RYR2: variants seen among roughly 807,000 people sequenced by gnomAD.
RYR2 encodes the protein ryanodine receptor 2.
A neutral mutation model predicts 601.1 loss-of-function variants in RYR2; 227 were observed. The observed-to-expected ratio is 0.38, with a 90% CI of 0.34 to 0.42. The LOEUF (loss-of-function observed/expected upper bound fraction) is 0.42, where lower values mean the gene tolerates loss of function less well. RYR2 is among the 10% of genes least tolerant of loss of function. The probability of loss-of-function intolerance (pLI) is 1.00; values close to 1 mark genes in which losing one functional copy is unlikely to be tolerated. For synonymous variants in RYR2, 2,223 were observed against 2,175.1 expected, an observed-to-expected ratio of 1.02 and a Z score of -0.61; for missense variants, 4,646 against 6,156.5, an observed-to-expected ratio of 0.75 and a Z score of 8.21.
At position 237,638,420 on chromosome 1, in the gene RYR2, C is replaced by T. The variant is rs1331902677; in HGVS notation, c.6856C>T (p.Pro2286Ser). 6.2e-7 allele frequency: 1 copy of T among 1,613,820 alleles called. No homozygotes were observed. Among genetic ancestry groups the T allele is most frequent in the African/African-American group, 1.3e-5 (1 of 74,912 alleles). The stretch of plus-strand genomic sequence containing the variant: ...CCAGATGCTGGTGTCTAAGGGCTAT[C>T]CAGACATTGGGTGGAACCCAGTTGA... ...SCQMLVSKGY[P>S]DIGWNPVEGE... The change falls in exon 45 of 105, where the codon CCA becomes TCA. Residue 2286 changes from proline (P) to serine (S), a missense_variant. By Grantham distance (74) the Pro-to-Ser change is moderately conservative (BLOSUM62 -1). This residue lies in a region of RYR2 where 137 missense variants were observed against 273.6 expected (regional missense o/e 0.50). Coordinates refer to ENST00000366574, the MANE Select transcript of RYR2 (RefSeq NM_001035.3).
At chr1:237,100,287 G>A (rs570575252) in intron 1 of RYR2, among the ~76,000 whole-genome samples, 2 of 152,276 alleles carry the variant, frequency 1.3e-5, no homozygotes, top group South Asian at 4.1e-4. Flanking sequence ...ACATGGCTGG[G>A]CCTTCAAGGA....
rs560485051 is a variant in RYR2, at chr1:237,143,975, A to G, written c.48+101406A>G. ...GAAACCCCATTTCTACTAAAAATAC[A>G]AAAATTAGCTGCGCATGGTGACATG... On this transcript the variant is annotated intron_variant, in intron 1 of 104. Coordinates refer to ENST00000366574, the MANE Select transcript of RYR2 (RefSeq NM_001035.3). Among the ~76,000 whole-genome samples the G allele has an allele frequency of 2.0e-5, 3 of 152,218 alleles. No homozygotes were observed. The South Asian group carries it at 6.2e-4, about 32-fold the overall frequency.
chr1:237,280,428 G>A (rs1324778138), intron 2 of RYR2, among the ~76,000 whole-genome samples: 1 of 152,002 alleles, frequency 6.6e-6, no homozygotes, highest in Non-Finnish European at 1.5e-5. Flanking sequence ...ACAGAATTTT[G>A]TTTGTGCAAA....
At chr1:237,234,058 C>G (rs1685285679) in intron 1 of RYR2, among the ~76,000 whole-genome samples, 1 of 152,092 alleles carries the variant, frequency 6.6e-6, no homozygotes, top group African/African-American at 2.4e-5. Flanking sequence ...GTCTACTGGT[C>G]AGAGCAAGAG....
chr1:237,454,250 T>G, intron 14 of RYR2, 141 bp from the exon 15 acceptor site: 1 of 790,468 alleles, frequency 1.3e-6, no homozygotes, highest in Non-Finnish European at 1.9e-6. Context: ...GATCACTGCT[T>G]TTGGAGCAGG....
chr1:237,063,932 A>G (rs934714625), intron 1 of RYR2, among the ~76,000 whole-genome samples: 1 of 151,890 alleles, frequency 6.6e-6, no homozygotes, highest in Non-Finnish European at 1.5e-5. Context: ...TTGGAAGGTC[A>G]GCTGTAAGTC....
rs916069912 is a variant in RYR2 at position 237,551,326 on chromosome 1, G to A, written c.3214+635G>A. Among the ~76,000 whole-genome samples the A allele has an allele frequency of 5.3e-5, 8 of 151,958 alleles. No homozygotes were observed. The East Asian group carries it at 7.8e-4, about 15-fold the overall frequency. ...AGGCGGATCACAAGGTCAGGAGATT[G>A]AGACCATCCTGGCTAACACAGTGAA... On this transcript the variant is annotated intron_variant, in intron 27 of 104. Coordinates refer to ENST00000366574, the MANE Select transcript of RYR2 (RefSeq NM_001035.3).
intron 55 of RYR2, among the ~76,000 whole-genome samples, chr1:237,660,277 A>G: frequency 6.8e-6 from 1 of 147,030 alleles, no homozygotes; most frequent in Non-Finnish European, 1.5e-5. Flanking sequence ...TTCTGTGTTT[A>G]TTCTCTTCTC....
chr1:237,578,536 T>C (rs1243749620), intron 29 of RYR2, among the ~76,000 whole-genome samples: 1 of 152,224 alleles, frequency 6.6e-6, no homozygotes, highest in African/African-American at 2.4e-5. Context: ...GAAGTCTCCC[T>C]TCCATCTTCT....
chr1:237,184,137 G>A (rs1679089617), intron 1 of RYR2, among the ~76,000 whole-genome samples: 1 of 152,184 alleles, frequency 6.6e-6, no homozygotes, highest in African/African-American at 2.4e-5. Context: ...CCCAGAGTCA[G>A]GTTAGCTGCA....
chr1:237,082,894 A>T (rs1012742337), intron 1 of RYR2, among the ~76,000 whole-genome samples: 4 of 152,252 alleles, frequency 2.6e-5, no homozygotes, highest in East Asian at 1.9e-4. Context: ...ATACTAGAGA[A>T]ATCACTAAAG....
intron 96 of RYR2, among the ~76,000 whole-genome samples, chr1:237,797,501 A>G (rs746792193): frequency 3.9e-5 from 6 of 152,134 alleles, no homozygotes; most frequent in Non-Finnish European, 8.8e-5. Flanking sequence ...TGTGCCCCCT[A>G]TTGGCATGCA....
In RYR2 at chr1:237,569,453, C is replaced by T. The variant is rs534297079; in HGVS notation, c.3598+134C>T. 6.3e-5 allele frequency: 48 copies of T among 759,964 alleles called. No homozygotes were observed. The African/African-American group carries it at 7.5e-4, about 12-fold the overall frequency. The allele number at this position is 759,964 out of a possible 1,614,324, so 47.1% of individuals were successfully genotyped here. A position where few individuals can be genotyped will look rare whatever the true frequency, so the allele number is the denominator to read the frequency against. On this transcript the variant is annotated intron_variant, in intron 29 of 104. Coordinates refer to ENST00000366574, the MANE Select transcript of RYR2 (RefSeq NM_001035.3). ...TTGCAGCTGTAAATCGTGAGGGTGC[C>T]TTGTGACTGACTTGATCAGATGCCC...
At chr1:237,051,457 A>G (rs1007785935) in intron 1 of RYR2, among the ~76,000 whole-genome samples, 4 of 151,692 alleles carry the variant, frequency 2.6e-5, no homozygotes, top group Non-Finnish European at 5.9e-5. Flanking sequence ...GCATTCAGGA[A>G]CAATGGTGTC....
intron 58 of RYR2, among the ~76,000 whole-genome samples, chr1:237,670,513 A>G (rs1196430364): frequency 6.6e-6 from 1 of 152,218 alleles, no homozygotes; most frequent in South Asian, 2.1e-4. Flanking sequence ...ATGGCAAATG[A>G]GTCATAGAGT....
At chr1:237,547,265 C>CA (rs1456967642) in intron 25 of RYR2, among the ~76,000 whole-genome samples, 1 of 152,014 alleles carries the variant, frequency 6.6e-6, no homozygotes, top group Non-Finnish European at 1.5e-5. Context: ...GTTGGCCTCC[C>CA]AAAGTGCTGG....
intron 24 of RYR2, among the ~76,000 whole-genome samples, chr1:237,513,741 A>C (rs1020042342): frequency 6.6e-6 from 1 of 152,228 alleles, no homozygotes; most frequent in Admixed American, 6.5e-5. Context: ...GCAATAGGCT[A>C]TATCGTATAG....
chr1:237,131,768 T>C (rs1468837994), intron 1 of RYR2, among the ~76,000 whole-genome samples: 1 of 152,118 alleles, frequency 6.6e-6, no homozygotes, highest in Non-Finnish European at 1.5e-5. Context: ...TCACCCAGGC[T>C]GTAGTGCAGT....
At chr1:237,776,145 T>A (rs2149327263) in intron 87 of RYR2, among the ~76,000 whole-genome samples, 1 of 152,322 alleles carries the variant, frequency 6.6e-6, no homozygotes, top group Non-Finnish European at 1.5e-5. Flanking sequence ...TGTTCACCTC[T>A]TGCACTTTTC....
Sources: gnomAD v4.1 joint callset for allele counts (sites outside exome capture counted in the v4.1 genomes callset) on GRCh38, gnomAD v4.1.1 for gene constraint, gnomAD v4.1.1 regional missense constraint, MANE v1.5 for transcripts, NCBI Gene and HGNC (gene_info 2026-07-23, HGNC 2026-07-21) for gene names.